The following PKP1 variants were observed in gnomAD, a reference collection of about 807,000 sequenced individuals.
The protein encoded by PKP1 is plakophilin 1.
PKP1 carries 27 observed loss-of-function variants against 76.4 expected under a neutral mutation model. The ratio of observed to expected loss-of-function variants is 0.35; its 90% CI spans 0.26 to 0.49. The LOEUF (loss-of-function observed/expected upper bound fraction) is 0.49, where lower values mean the gene tolerates loss of function less well. Among genes scored for constraint, PKP1 ranks in the 20% least tolerant of loss-of-function variants. PKP1 has a pLI of 0.99. For missense variants in PKP1, 964 were observed against 955.2 expected, an observed-to-expected ratio of 1.01 and a Z score of -0.12; for synonymous variants, 404 against 384.2, an observed-to-expected ratio of 1.05 and a Z score of -0.60.
intron 2 of PKP1, among the ~76,000 whole-genome samples, chr1:201,298,392 A>G (rs1656133163): frequency 6.6e-6 from 1 of 152,168 alleles, no homozygotes; most frequent in Admixed American, 6.5e-5. Flanking sequence ...GATTAAGATG[A>G]CACTCCTTTT....
chr1:201,318,861 C>T, intron 6 of PKP1, 66 bp downstream of exon 6: 2 of 1,346,016 alleles, frequency 1.5e-6, no homozygotes, highest in Admixed American at 2.0e-5. Context: ...GCAGCCCCAT[C>T]TCAGCCAACA....
intron 9 of PKP1, among the ~76,000 whole-genome samples, chr1:201,323,982 G>A (rs532849688): frequency 1.3e-5 from 2 of 152,302 alleles, no homozygotes; most frequent in Non-Finnish European, 2.9e-5. Flanking sequence ...CAACAAATAT[G>A]TGTTGGATTC....
At chr1:201,321,633 GCA>G (rs1656941659) in intron 7 of PKP1, among the ~76,000 whole-genome samples, 4 of 151,984 alleles carry the variant, frequency 2.6e-5, no homozygotes, top group Non-Finnish European at 5.9e-5. Flanking sequence ...GTTGTCCATA[GCA>G]GTCCTACCAC....
intron 2 of PKP1, among the ~76,000 whole-genome samples, chr1:201,303,131 AT>A (rs1329957343): frequency 1.3e-5 from 2 of 152,148 alleles, no homozygotes; most frequent in African/African-American, 4.8e-5. Context: ...ACCAACTATT[AT>A]TTACTTATTT....
chr1:201,302,267 G>C lies in PKP1; in HGVS notation c.306+8222G>C, dbSNP rs535222281. Among the ~76,000 whole-genome samples the C allele has an allele frequency of 6.6e-5, 10 of 152,264 alleles. No individual in the cohort carries two copies. In the East Asian group the frequency reaches 1.7e-3, roughly 26 times the overall value. The stretch of plus-strand genomic sequence containing the variant: ...GGAAATCAAACCACAGAAAAGTGTA[G>C]GGGCTTGCCTGTGACCTCACAGATA... On this transcript the variant is annotated intron_variant, in intron 2 of 13. Transcript: ENST00000367324.
In PKP1 at chr1:201,313,378, C is replaced by G; in HGVS notation, c.519C>G (p.Gly173=). ...GCACCCTGCGCAAGGGCACGCTGGG[C>G]AGCAAGGGCCAGAAGACCACCCAGA... ...PRGTLRKGTL[G]SKGQKTTQNR... The change falls in exon 3 of 14, where the codon GGC becomes GGG. Residue 173 remains glycine (G), a synonymous_variant. Coordinates refer to ENST00000367324, the MANE Select transcript of PKP1 (RefSeq NM_001005337.3). The G allele has an allele frequency of 6.3e-7, 1 of 1,580,732 alleles. No individual in the cohort carries two copies. The highest frequency in any genetic ancestry group is 1.2e-5 in the South Asian group (1 of 86,618).
chr1:201,289,634 C>T (rs759184268), intron 1 of PKP1, among the ~76,000 whole-genome samples: 24 of 151,550 alleles, frequency 1.6e-4, no homozygotes, highest in Non-Finnish European at 2.9e-4. Flanking sequence ...TTCCTTGCTT[C>T]AGGGAGCTCC....
chr1:201,309,798 A>G (rs902867893), intron 2 of PKP1, among the ~76,000 whole-genome samples: 3 of 152,192 alleles, frequency 2.0e-5, no homozygotes, highest in Non-Finnish European at 4.4e-5. Context: ...AGGCATTACT[A>G]GCATTTAGAA....
intron 2 of PKP1, among the ~76,000 whole-genome samples, chr1:201,294,279 G>T (rs1656014583): frequency 6.6e-6 from 1 of 152,166 alleles, no homozygotes; most frequent in Non-Finnish European, 1.5e-5. Flanking sequence ...TTTAGGAAAA[G>T]CATTTTTAAA....
Position 201,318,695 on chromosome 1 carries a change from C to T in PKP1, c.1132C>T (p.Arg378Cys), listed in dbSNP as rs200975137. Residue 378 changes from arginine to cysteine, a missense_variant, in exon 6 of 14, where the codon CGC becomes TGC. Transcript: ENST00000367324. ...CGACGCCCTGCCTGTTCTGGCCGAC[C>T]GCGTCATCATTCCCTTCTCTGGCTG... The part of the protein sequence containing the change: ...IADALPVLAD[R>C]VIIPFSGWCD... 64 of 1,612,288 alleles carry T rather than the reference C, an allele frequency of 4.0e-5. No individual in the cohort carries two copies. In the Admixed American group the frequency reaches 6.0e-4, roughly 15 times the overall value.
At chr1:201,328,709 C>A in intron 12 of PKP1, 53 bp from the exon 13 acceptor site, 2 of 1,536,436 alleles carry the variant, frequency 1.3e-6, no homozygotes, top group Non-Finnish European at 1.8e-6. Flanking sequence ...TCTGACCCCA[C>A]AGCAAGCCCC....
chr1:201,324,171 T>A (rs1657033557), intron 9 of PKP1, among the ~76,000 whole-genome samples: 1 of 152,132 alleles, frequency 6.6e-6, no homozygotes, highest in Non-Finnish European at 1.5e-5. Flanking sequence ...TCTGGGTCAC[T>A]ATGAGTAGGG....
At chr1:201,315,868 A>T (rs1269477065) in intron 3 of PKP1, among the ~76,000 whole-genome samples, 1 of 152,202 alleles carries the variant, frequency 6.6e-6, no homozygotes, top group Non-Finnish European at 1.5e-5. Context: ...TCTAGTAAAA[A>T]GGGTATGAAA....
chr1:201,299,315 G>A (rs1241606480), intron 2 of PKP1, among the ~76,000 whole-genome samples: 1 of 152,194 alleles, frequency 6.6e-6, no homozygotes, highest in Non-Finnish European at 1.5e-5. Context: ...CTCTGAAATG[G>A]ATGAAAATTC....
At chr1:201,285,298 C>A (rs1352014490) in intron 1 of PKP1, among the ~76,000 whole-genome samples, 3 of 151,598 alleles carry the variant, frequency 2.0e-5, no homozygotes, top group Non-Finnish European at 4.4e-5. Flanking sequence ...GCTTCTGTCC[C>A]CCCACCTACT....
At chr1:201,289,415 C>T (rs1228548850) in intron 1 of PKP1, among the ~76,000 whole-genome samples, 3 of 152,170 alleles carry the variant, frequency 2.0e-5, no homozygotes, top group Non-Finnish European at 4.4e-5. Context: ...GAAGAAGCAT[C>T]GGCCTTAAGG....
chr1:201,313,960 A>C (rs1020688051), intron 3 of PKP1, among the ~76,000 whole-genome samples: 1 of 152,242 alleles, frequency 6.6e-6, no homozygotes, highest in Middle Eastern at 3.2e-3. Flanking sequence ...CCAGCAATGC[A>C]TATATTAACA....
At chr1:201,289,905 G>A (rs547546990) in intron 1 of PKP1, among the ~76,000 whole-genome samples, 28 of 152,292 alleles carry the variant, frequency 1.8e-4, no homozygotes, top group African/African-American at 6.3e-4. Context: ...GAGAAGAAGA[G>A]AAAGAATGTT....
rs1441520685 is a variant in PKP1 at position 201,331,280 on chromosome 1, C to T, written c.*1239C>T. 1 of 152,364 alleles carries T rather than the reference C, an allele frequency of 6.6e-6. No individual in the cohort carries two copies. Among genetic ancestry groups the T allele is most frequent in the African/African-American group, 2.4e-5 (1 of 41,440 alleles). The allele number at this position is 152,364 out of a possible 1,614,324, so 9.4% of individuals were successfully genotyped here. ...CATCTCAGCCAGGGGCCATGCCCCA[C>T]TTCCCCTGACCCCAGCTGTCTTGTC... On this transcript the variant is annotated 3_prime_UTR_variant, in exon 14 of 14. Transcript: ENST00000367324.
Sources: gnomAD v4.1 joint callset for allele counts (sites outside exome capture counted in the v4.1 genomes callset) on GRCh38, gnomAD v4.1.1 for gene constraint, MANE v1.5 for transcripts, NCBI Gene and HGNC (gene_info 2026-07-23, HGNC 2026-07-21) for gene names.